ESR1: variants seen among roughly 807,000 people sequenced by gnomAD.
ESR1 encodes the protein estrogen receptor.
In ESR1, 12 loss-of-function variants were observed where a neutral mutation model predicts 52.7. The ratio of observed to expected loss-of-function variants is 0.23; its 90% confidence interval spans 0.15 to 0.37. The LOEUF is 0.37. ESR1 is among the 10% of genes least tolerant of loss of function. The pLI is 1.00. For synonymous variants in ESR1, 305 were observed against 316.8 expected (o/e 0.96, Z 0.39); for missense variants, 584 against 779.7 (o/e 0.75, Z 2.99).
At chr6:151,701,917 C>T (rs183237185) in exon 2 of ESR1, 16 of 152,312 alleles carry the variant, frequency 1.1e-4, no homozygotes, top group African/African-American at 3.4e-4. Context: ...GATCTCTTCA[C>T]ATTCTCCGGG....
upstream of ESR1, chr6:151,805,322 G>A (rs1366774747): frequency 6.6e-6 from 1 of 152,180 alleles, no homozygotes; most frequent in East Asian, 1.9e-4. Flanking sequence ...AACCACCCAT[G>A]TCCTATTTTG....
At chr6:152,057,103 A>G (rs1035575097) in intron 5 of ESR1, among the ~76,000 whole-genome samples, 10 of 152,124 alleles carry the variant, frequency 6.6e-5, no homozygotes, top group Non-Finnish European at 1.2e-4. Flanking sequence ...CCTGACCACA[A>G]TGCATAATGA....
Position 151,880,752 on chromosome 6 carries a change from A to C in ESR1, c.741A>C (p.Glu247Asp), listed in dbSNP as rs2128334080. ...CCTGCCGGCTCCGTAAATGCTACGA[A>C]GTGGGAATGATGAAAGGTGGTAGGT... Reference protein sequence around the residue: ...CQACRLRKCYEVGMMKGGIRK... With the variant: ...CQACRLRKCYDVGMMKGGIRK... The change falls in exon 3 of 8, where the codon GAA becomes GAC. Residue 247 changes from glutamate (E) to aspartate (D), a missense_variant. Physicochemically the swap from Glu to Asp is conservative, Grantham distance 45. Transcript: ENST00000206249. 6.3e-7 allele frequency: 1 copy of C among 1,596,038 alleles called. No homozygotes were observed. The highest frequency in any genetic ancestry group is 1.1e-5 in the South Asian group (1 of 90,702).
chr6:151,801,985 G>T (rs917291748), upstream of ESR1, among the ~76,000 whole-genome samples: 4 of 152,212 alleles, frequency 2.6e-5, no homozygotes, highest in Non-Finnish European at 4.4e-5. Flanking sequence ...CAGGACAATG[G>T]TTGCCTAGAG....
chr6:151,862,133 T>G (rs139462858), intron 2 of ESR1, among the ~76,000 whole-genome samples: 2 of 152,278 alleles, frequency 1.3e-5, no homozygotes, highest in Non-Finnish European at 2.9e-5. Flanking sequence ...ATCATCTCAT[T>G]TAATCCTCCA....
At chr6:151,675,597 T>A (rs906269184) in intron 1 of ESR1, among the ~76,000 whole-genome samples, 3 of 152,192 alleles carry the variant, frequency 2.0e-5, no homozygotes, top group Non-Finnish European at 4.4e-5. Context: ...AACTCTACAC[T>A]TACATAGTGT....
At chr6:152,052,495 T>C (rs1163967498) in intron 5 of ESR1, among the ~76,000 whole-genome samples, 1 of 152,194 alleles carries the variant, frequency 6.6e-6, no homozygotes, top group East Asian at 1.9e-4. Context: ...GTCATAATCA[T>C]TGGTTACATT....
intron 6 of ESR1, among the ~76,000 whole-genome samples, chr6:152,113,818 G>A (rs1174192093): frequency 2.0e-5 from 3 of 151,970 alleles, no homozygotes; most frequent in Admixed American, 6.5e-5. Flanking sequence ...AACAACCCAC[G>A]CAGGAGGCAC....
At chr6:152,015,489 T>C (rs2043101499) in intron 5 of ESR1, among the ~76,000 whole-genome samples, 1 of 152,246 alleles carries the variant, frequency 6.6e-6, no homozygotes, top group South Asian at 2.1e-4. Flanking sequence ...TACTAGCTCA[T>C]AAACTTCTTG....
intron 2 of ESR1, among the ~76,000 whole-genome samples, chr6:151,723,168 A>C (rs1781581784): frequency 6.6e-6 from 1 of 152,224 alleles, no homozygotes; most frequent in Non-Finnish European, 1.5e-5. Context: ...GCTATTAATC[A>C]ATAGTGTGTA....
chr6:152,114,746 C>T, intron 6 of ESR1, among the ~76,000 whole-genome samples: 1 of 151,208 alleles, frequency 6.6e-6, no homozygotes. Context: ...AAAAAATTAG[C>T]CGGGCGTAGT....
chr6:152,029,709 A>G (rs1442121313), intron 5 of ESR1, among the ~76,000 whole-genome samples: 5 of 152,190 alleles, frequency 3.3e-5, no homozygotes, highest in African/African-American at 4.8e-5. Context: ...CAAGTTGGAA[A>G]ACACTCTGCA....
chr6:152,051,816 C>CT (rs1476493588), intron 5 of ESR1, among the ~76,000 whole-genome samples: 1 of 152,108 alleles, frequency 6.6e-6, no homozygotes, highest in South Asian at 2.1e-4. Context: ...AACTTTGTTT[C>CT]TTTTTTTTAA....
chr6:151,889,542 T>C (rs1794392861), intron 3 of ESR1, among the ~76,000 whole-genome samples: 1 of 152,190 alleles, frequency 6.6e-6, no homozygotes, highest in South Asian at 2.1e-4. Context: ...ATTTGTGTCT[T>C]CTCACTTTTT....
At chr6:151,730,803 G>C (rs1187676661) in intron 2 of ESR1, among the ~76,000 whole-genome samples, 1 of 152,046 alleles carries the variant, frequency 6.6e-6, no homozygotes, top group African/African-American at 2.4e-5. Context: ...AGTCTTCCCT[G>C]GTGAAACATT....
chr6:151,956,435 A>G (rs900731895), intron 4 of ESR1, among the ~76,000 whole-genome samples: 4 of 152,236 alleles, frequency 2.6e-5, no homozygotes, highest in African/African-American at 9.6e-5. Flanking sequence ...AGGAGCAGAA[A>G]TGGAGCAGAG....
intron 2 of ESR1, among the ~76,000 whole-genome samples, chr6:151,783,474 T>C (rs563131604): frequency 1.3e-5 from 2 of 152,368 alleles, no homozygotes; most frequent in South Asian, 4.1e-4. Flanking sequence ...ATTGATTTCA[T>C]AGTAGTCTAA....
intron 4 of ESR1, among the ~76,000 whole-genome samples, chr6:152,002,315 A>G (rs933180548): frequency 1.3e-5 from 2 of 151,726 alleles, no homozygotes; most frequent in Non-Finnish European, 1.5e-5. Context: ...ATCCTTGTCC[A>G]TGCGGTTTGG....
At chr6:151,878,950 A>AG (rs1466116217) in intron 2 of ESR1, among the ~76,000 whole-genome samples, 1 of 152,198 alleles carries the variant, frequency 6.6e-6, no homozygotes, top group Non-Finnish European at 1.5e-5. Context: ...CATATGTACC[A>AG]GGAGCTCAGA....
Sources: allele counts gnomAD v4.1 joint callset (sites outside exome capture counted in the v4.1 genomes callset), GRCh38; gene constraint gnomAD v4.1.1; transcripts MANE v1.5; gene names NCBI Gene and HGNC (gene_info 2026-07-23, HGNC 2026-07-21).